The following UBE3C variants were observed in gnomAD, a reference collection of about 807,000 sequenced individuals.
UBE3C encodes the protein ubiquitin-protein ligase E3C.
In UBE3C, 42 loss-of-function variants were observed where a neutral mutation model predicts 129.4. The ratio of observed to expected loss-of-function variants is 0.32; its 90% CI spans 0.25 to 0.42. The LOEUF is 0.42. UBE3C is among the 10% of genes least tolerant of loss of function. The probability of loss-of-function intolerance (pLI) is 1.00; values close to 1 mark genes in which losing one functional copy is unlikely to be tolerated. For missense variants in UBE3C, 1,049 were observed against 1,319.1 expected (o/e 0.80, Z 3.17); for synonymous variants, 510 against 492.4 (o/e 1.04, Z -0.47).
chr7:157,145,650 T>G (rs1198259081), intron 1 of UBE3C, among the ~76,000 whole-genome samples: 1 of 152,256 alleles, frequency 6.6e-6, no homozygotes, highest in African/African-American at 2.4e-5. Flanking sequence ...TGGAATCATA[T>G]ACTATGTAAT....
chr7:157,235,679 G>C (rs1255034179), intron 18 of UBE3C, among the ~76,000 whole-genome samples: 1 of 152,148 alleles, frequency 6.6e-6, no homozygotes, highest in Non-Finnish European at 1.5e-5. Context: ...TCTTATTAAG[G>C]CTGTTTAAAA....
chr7:157,164,016 C>T (rs1586655129), intron 2 of UBE3C, among the ~76,000 whole-genome samples, 153 bp downstream of exon 2: 2 of 152,084 alleles, frequency 1.3e-5, no homozygotes, highest in South Asian at 2.1e-4. Context: ...AACATTTATT[C>T]TGGAGCCGGT....
chr7:157,207,968 C>T (rs773739525), intron 13 of UBE3C, 33 bp downstream of exon 13: 8 of 1,243,842 alleles, frequency 6.4e-6, no homozygotes, highest in Non-Finnish European at 7.2e-6. Flanking sequence ...TGTTTACTGA[C>T]ATTGAAAAAT....
At position 157,182,401 on chromosome 7, in the gene UBE3C, A is replaced by G. The variant is rs1392150157; in HGVS notation, c.991+73A>G. 2.7e-6 allele frequency: 4 copies of G among 1,462,176 alleles called. No individual in the cohort carries two copies. In the African/African-American group the frequency reaches 5.7e-5, roughly 21 times the overall value. 90.6% of individuals were successfully genotyped at this position (1,462,176 alleles called of 1,614,324 possible). ...TTGGCAGATGAGTCAAGAGAAGGCC[A>G]TGCAGTGGCAGGTGTTATGGAAAGG... On this transcript the variant is annotated intron_variant, in intron 8 of 22. Coordinates refer to ENST00000348165, the MANE Select transcript of UBE3C (RefSeq NM_014671.3).
intron 1 of UBE3C, among the ~76,000 whole-genome samples, chr7:157,156,300 CTTTTTTTTTTT>C (rs1173730075): frequency 2.3e-5 from 2 of 85,886 alleles, no homozygotes; most frequent in South Asian, 3.9e-4. Flanking sequence ...ACCCCCAGTT[CTTTTTTTTTTT>C]TTTTTTTTTT....
intron 18 of UBE3C, among the ~76,000 whole-genome samples, chr7:157,236,253 A>G (rs1363018064): frequency 6.6e-6 from 1 of 152,190 alleles, no homozygotes; most frequent in African/African-American, 2.4e-5. Flanking sequence ...TTTTTTACAG[A>G]TAGAAGCACC....
chr7:157,192,350 G>A (rs61476132), intron 10 of UBE3C: 24 of 617,986 alleles, frequency 3.9e-5, no homozygotes, highest in Middle Eastern at 4.5e-4. Flanking sequence ...CGCCATCTGC[G>A]GTGGAGCCGC....
chr7:157,239,312 C>T (rs559313851), intron 18 of UBE3C, among the ~76,000 whole-genome samples: 43 of 152,278 alleles, frequency 2.8e-4, no homozygotes, highest in South Asian at 8.3e-4. Flanking sequence ...CGGCACAGAC[C>T]TAACATTGAG....
intron 11 of UBE3C, among the ~76,000 whole-genome samples, chr7:157,206,490 T>C (rs1158324781): frequency 6.6e-6 from 1 of 151,880 alleles, no homozygotes; most frequent in East Asian, 1.9e-4. Flanking sequence ...TCTCGAACTC[T>C]TGACCTTGTG....
intron 22 of UBE3C, among the ~76,000 whole-genome samples, chr7:157,258,430 T>TTTG (rs1363325639): frequency 1.3e-5 from 2 of 152,016 alleles, no homozygotes; most frequent in African/African-American, 4.8e-5. Flanking sequence ...GGTTTTTTGC[T>TTTG]TTGTTGTTGT....
chr7:157,219,902 A>T (rs1424151617), intron 14 of UBE3C, among the ~76,000 whole-genome samples: 1 of 112,554 alleles, frequency 8.9e-6, no homozygotes, highest in Admixed American at 8.1e-5. Flanking sequence ...GACTCCATCT[A>T]AAAAAAAAAA....
At chr7:157,241,863 A>G (rs1796338346) in intron 18 of UBE3C, among the ~76,000 whole-genome samples, 1 of 152,214 alleles carries the variant, frequency 6.6e-6, no homozygotes, top group Non-Finnish European at 1.5e-5. Context: ...CATGGCACAC[A>G]TGGATGTGCC....
At chr7:157,173,796 C>A (rs1274169786) in intron 4 of UBE3C, among the ~76,000 whole-genome samples, 1 of 152,098 alleles carries the variant, frequency 6.6e-6, no homozygotes, top group African/African-American at 2.4e-5. Flanking sequence ...AGTATTCATA[C>A]CTTATTCATT....
chr7:157,197,692 T>G (rs765224822), intron 10 of UBE3C: 66 of 1,609,522 alleles, frequency 4.1e-5, no homozygotes, highest in Non-Finnish European at 5.4e-5. Flanking sequence ...GGAAATGAAG[T>G]CACAAGAATA....
chr7:157,189,577 C>G (rs1281096565), intron 10 of UBE3C, among the ~76,000 whole-genome samples: 1 of 152,176 alleles, frequency 6.6e-6, no homozygotes, highest in East Asian at 1.9e-4. Flanking sequence ...ACCCTACTTA[C>G]ATGTAGATGA....
chr7:157,144,740 G>A (rs1051854613), intron 1 of UBE3C, among the ~76,000 whole-genome samples: 1 of 151,968 alleles, frequency 6.6e-6, no homozygotes, highest in South Asian at 2.1e-4. Flanking sequence ...TTACAATCAA[G>A]CAGAGGGTAG....
intron 10 of UBE3C, chr7:157,192,916 C>G (rs1809013021): frequency 3.0e-6 from 2 of 666,352 alleles, no homozygotes; most frequent in Non-Finnish European, 5.3e-6. Flanking sequence ...GTAGTGAATG[C>G]CACTTTCCCC....
At chr7:157,154,625 CT>C (rs1807852811) in intron 1 of UBE3C, among the ~76,000 whole-genome samples, 1 of 152,066 alleles carries the variant, frequency 6.6e-6, no homozygotes, top group African/African-American at 2.4e-5. Flanking sequence ...TATAAATTGT[CT>C]TTAGAGTTTT....
chr7:157,239,291 G>A (rs552208575), intron 18 of UBE3C, among the ~76,000 whole-genome samples: 1 of 152,150 alleles, frequency 6.6e-6, no homozygotes, highest in African/African-American at 2.4e-5. Context: ...ACTCAAAATG[G>A]TATGAGTGAA....
Sources: gnomAD v4.1 joint callset for allele counts (sites outside exome capture counted in the v4.1 genomes callset) on GRCh38, gnomAD v4.1.1 for gene constraint, MANE v1.5 for transcripts, NCBI Gene and HGNC (gene_info 2026-07-23, HGNC 2026-07-21) for gene names.